The following LRMDA variants were observed in gnomAD, a reference collection of about 807,000 sequenced individuals.
LRMDA encodes leucine rich melanocyte differentiation associated, also known as leucine-rich melanocyte differentiation-associated protein.
A neutral mutation model predicts 29.8 loss-of-function variants in LRMDA; 18 were observed. The observed-to-expected ratio is 0.60, with a 90% CI of 0.42 to 0.90. The LOEUF is 0.90. LRMDA is among the 40% of genes least tolerant of loss of function. The pLI is 0.00. For synonymous variants in LRMDA, 125 were observed against 109.4 expected (o/e 1.14, Z -0.89); for missense variants, 273 against 273.9 (o/e 1.00, Z 0.02).
At chr10:75,659,518 C>T (rs1057302261) in intron 2 of LRMDA, among the ~76,000 whole-genome samples, 1 of 152,186 alleles carries the variant, frequency 6.6e-6, no homozygotes. Context: ...ACCTGGAGGA[C>T]ATTATACCAA....
chr10:76,428,148 C>T (rs752066063), intron 6 of LRMDA, among the ~76,000 whole-genome samples: 3 of 152,154 alleles, frequency 2.0e-5, no homozygotes, highest in Non-Finnish European at 4.4e-5. Context: ...TGAGCCAAAA[C>T]ACTCATGCTA....
chr10:75,739,915 A>G (rs762825995), intron 2 of LRMDA, among the ~76,000 whole-genome samples: 2 of 152,180 alleles, frequency 1.3e-5, no homozygotes, highest in Non-Finnish European at 1.5e-5. Context: ...AGAGCTGTTT[A>G]CAGCATGTTG....
intron 6 of LRMDA, among the ~76,000 whole-genome samples, chr10:76,335,786 C>T (rs935538371): frequency 5.3e-5 from 8 of 152,136 alleles, no homozygotes; most frequent in East Asian, 3.9e-4. Flanking sequence ...AAGGCATTAT[C>T]ATGCAGATGA....
chr10:76,310,825 C>T (rs1305904472), intron 5 of LRMDA, among the ~76,000 whole-genome samples: 3 of 152,164 alleles, frequency 2.0e-5, no homozygotes, highest in Non-Finnish European at 4.4e-5. Flanking sequence ...TGCTGGCATG[C>T]ACTCTTATTG....
intron 2 of LRMDA, among the ~76,000 whole-genome samples, chr10:75,735,887 T>G (rs1250456007): frequency 1.3e-5 from 2 of 152,192 alleles, no homozygotes; most frequent in Admixed American, 1.3e-4. Flanking sequence ...ACACACACTG[T>G]TACTTATAAA....
At chr10:76,379,161 TTGTGTGTGTGTGTGTGTGTGTGTG>T (rs57245101) in intron 6 of LRMDA, among the ~76,000 whole-genome samples, 1 of 137,856 alleles carries the variant, frequency 7.3e-6, no homozygotes, top group Admixed American at 7.4e-5. Flanking sequence ...CTGGCCTTCT[TTGTGTGTGTGTGTGTGTGTGTGTG>T]TGTGTGTGTG....
At chr10:76,121,648 G>A (rs1849791568) in intron 5 of LRMDA, among the ~76,000 whole-genome samples, 1 of 152,160 alleles carries the variant, frequency 6.6e-6, no homozygotes, top group South Asian at 2.1e-4. Flanking sequence ...CTTAGTCACT[G>A]TTTCTGTTTT....
chr10:75,516,963 T>A (rs558962998), intron 2 of LRMDA, among the ~76,000 whole-genome samples: 1 of 152,254 alleles, frequency 6.6e-6, no homozygotes, highest in East Asian at 1.9e-4. Context: ...GGGAATCGTT[T>A]CCCCATTTCT....
intron 2 of LRMDA, among the ~76,000 whole-genome samples, chr10:75,528,753 A>G (rs1366660201): frequency 6.6e-6 from 1 of 152,244 alleles, no homozygotes; most frequent in Non-Finnish European, 1.5e-5. Flanking sequence ...CAGAATAAAC[A>G]AGAAAGAAAG....
intron 2 of LRMDA, among the ~76,000 whole-genome samples, chr10:75,576,414 C>T (rs545563531): frequency 6.8e-4 from 104 of 152,340 alleles, no homozygotes; most frequent in Middle Eastern, 3.4e-3. Flanking sequence ...CAACAGGGCA[C>T]CTGGGGGAAG....
intron 2 of LRMDA, among the ~76,000 whole-genome samples, chr10:75,470,303 C>G (rs2132045071): frequency 6.6e-6 from 1 of 152,262 alleles, no homozygotes; most frequent in South Asian, 2.1e-4. Context: ...TTGAGACCAG[C>G]CTGGGCAACA....
At chr10:76,449,409 A>G (rs1317955389) in intron 6 of LRMDA, among the ~76,000 whole-genome samples, 1 of 151,828 alleles carries the variant, frequency 6.6e-6, no homozygotes, top group Non-Finnish European at 1.5e-5. Flanking sequence ...TTCTTTTCCC[A>G]GATATTGCTT....
chr10:76,234,666 C>T (rs572435082), intron 5 of LRMDA, among the ~76,000 whole-genome samples: 1 of 152,334 alleles, frequency 6.6e-6, no homozygotes, highest in African/African-American at 2.4e-5. Flanking sequence ...ATTTTTCCAT[C>T]AGCACTTGTT....
At chr10:76,137,494 A>T (rs1850117104) in intron 5 of LRMDA, among the ~76,000 whole-genome samples, 1 of 152,126 alleles carries the variant, frequency 6.6e-6, no homozygotes, top group South Asian at 2.1e-4. Flanking sequence ...AGGTAGATGG[A>T]ATTTGCTGAT....
chr10:75,755,126 ACTT>A (rs760552003), intron 2 of LRMDA, among the ~76,000 whole-genome samples: 11 of 152,060 alleles, frequency 7.2e-5, no homozygotes, highest in Non-Finnish European at 1.0e-4. Context: ...CATAAAAATA[ACTT>A]CTTCTCCTTC....
intron 2 of LRMDA, among the ~76,000 whole-genome samples, chr10:75,607,988 G>T (rs1840977760): frequency 6.6e-6 from 1 of 150,794 alleles, no homozygotes. Context: ...ATGAGCATGG[G>T]AGTGCAGATA....
chr10:75,551,181 C>A (rs1003519844), intron 2 of LRMDA, among the ~76,000 whole-genome samples: 1 of 139,934 alleles, frequency 7.1e-6, no homozygotes. Flanking sequence ...TTTTTTTAAC[C>A]TAGGATTTGA....
chr10:75,625,547 G>T (rs930318872), intron 2 of LRMDA, among the ~76,000 whole-genome samples: 1 of 152,136 alleles, frequency 6.6e-6, no homozygotes, highest in Non-Finnish European at 1.5e-5. Flanking sequence ...AAGTAATTTT[G>T]TATCTTCCTT....
chr10:75,584,956 C>T (rs1844214355), intron 2 of LRMDA, among the ~76,000 whole-genome samples: 1 of 152,122 alleles, frequency 6.6e-6, no homozygotes, highest in South Asian at 2.1e-4. Flanking sequence ...ACATTTTTTC[C>T]TAAATGTTTT....
Sources: gnomAD v4.1 joint callset for allele counts (sites outside exome capture counted in the v4.1 genomes callset) on GRCh38, gnomAD v4.1.1 for gene constraint, MANE v1.5 for transcripts, NCBI Gene and HGNC (gene_info 2026-07-23, HGNC 2026-07-21) for gene names.